Variants in CNTNAP2 observed in about 807,000 individuals in gnomAD.
The protein encoded by CNTNAP2 is contactin associated protein 2, also known as contactin-associated protein-like 2.
In CNTNAP2, 98 loss-of-function variants were observed where a neutral mutation model predicts 155.2. The ratio of observed to expected loss-of-function variants is 0.63; its 90% CI spans 0.54 to 0.75. The LOEUF is 0.75. CNTNAP2 is among the 30% of genes least tolerant of loss of function. CNTNAP2 has a pLI of 0.00. For missense variants in CNTNAP2, 1,727 were observed against 1,688.1 expected (o/e 1.02, Z -0.40); for synonymous variants, 651 against 631.2 (o/e 1.03, Z -0.47).
intron 13 of CNTNAP2, among the ~76,000 whole-genome samples, chr7:147,833,192 T>C (rs1211609757): frequency 6.6e-6 from 1 of 150,796 alleles, no homozygotes; most frequent in East Asian, 1.9e-4. Flanking sequence ...AATAGGGGTA[T>C]AAAAATATGC....
intron 22 of CNTNAP2, among the ~76,000 whole-genome samples, chr7:148,401,347 T>C (rs187632868): frequency 5.3e-5 from 8 of 152,210 alleles, no homozygotes; most frequent in Admixed American, 2.6e-4. Flanking sequence ...TGTAGAGAGG[T>C]TGTGGAACTA....
In CNTNAP2 at chr7:147,055,840, G is replaced by A. The variant is rs543834965; in HGVS notation, c.550+11786G>A. ...ATGCCTGATCCCCGAGGGAAGCAGC[G>A]TCTTTTTATTGGAGGACATATCCGC... On this transcript the variant is annotated intron_variant, in intron 4 of 23. Transcript: ENST00000361727. Among the ~76,000 whole-genome samples, 13 of 152,196 alleles carry A rather than the reference G, an allele frequency of 8.5e-5. No individual in the cohort carries two copies. In the East Asian group the frequency reaches 9.7e-4, roughly 11 times the overall value.
intron 16 of CNTNAP2, among the ~76,000 whole-genome samples, chr7:148,137,669 AAAGGAAGG>A (rs35867113): frequency 0.09 from 9,732 of 107,650 alleles, 484 homozygotes; most frequent in African/African-American, 0.12. Context: ...CTCAGAAAAA[AAAGGAAGG>A]AAGGAAGGAA....
At chr7:148,161,695 T>G (rs980975918) in intron 17 of CNTNAP2, among the ~76,000 whole-genome samples, 2 of 152,212 alleles carry the variant, frequency 1.3e-5, no homozygotes, top group Admixed American at 1.3e-4. Flanking sequence ...AAGCATCTTA[T>G]TGCTATATTG....
intron 1 of CNTNAP2, among the ~76,000 whole-genome samples, chr7:146,278,092 T>A (rs1800192710): frequency 6.6e-6 from 1 of 152,156 alleles, no homozygotes; most frequent in African/African-American, 2.4e-5. Flanking sequence ...TCCCACAGAC[T>A]TTTTTTGGTT....
intron 3 of CNTNAP2, among the ~76,000 whole-genome samples, chr7:146,940,543 A>C (rs1475972320): frequency 1.3e-5 from 2 of 151,964 alleles, no homozygotes; most frequent in Non-Finnish European, 2.9e-5. Context: ...GGTCTTAATA[A>C]ATTATGTGTT....
intron 22 of CNTNAP2, among the ~76,000 whole-genome samples, chr7:148,389,092 T>C (rs1187081461): frequency 6.6e-6 from 1 of 152,154 alleles, no homozygotes; most frequent in East Asian, 1.9e-4. Context: ...AAATCACCCA[T>C]CTTCTGCGTC....
At chr7:147,208,843 C>A (rs1803076062) in intron 8 of CNTNAP2, among the ~76,000 whole-genome samples, 1 of 151,766 alleles carries the variant, frequency 6.6e-6, no homozygotes. Flanking sequence ...ATGAACAATT[C>A]AAATTAGTCA....
At chr7:147,317,511 G>T (rs1159543780) in intron 9 of CNTNAP2, among the ~76,000 whole-genome samples, 1 of 152,098 alleles carries the variant, frequency 6.6e-6, no homozygotes, top group East Asian at 1.9e-4. Context: ...TGCTGCCTTT[G>T]TCACAGGGAT....
At chr7:147,960,428 G>A (rs985928096) in intron 14 of CNTNAP2, among the ~76,000 whole-genome samples, 2 of 152,148 alleles carry the variant, frequency 1.3e-5, no homozygotes, top group Non-Finnish European at 2.9e-5. Context: ...GACTCCAGCA[G>A]TGGTGTTATT....
chr7:147,304,180 C>A (rs1289216225), intron 9 of CNTNAP2, among the ~76,000 whole-genome samples: 2 of 152,112 alleles, frequency 1.3e-5, no homozygotes, highest in African/African-American at 4.8e-5. Context: ...CATCCATGAT[C>A]AGATGATGTT....
intron 1 of CNTNAP2, among the ~76,000 whole-genome samples, chr7:146,466,989 T>C (rs1012260710): frequency 6.6e-6 from 1 of 152,216 alleles, no homozygotes; most frequent in African/African-American, 2.4e-5. Flanking sequence ...TATTTCAATG[T>C]ACTTTTATCT....
intron 2 of CNTNAP2, among the ~76,000 whole-genome samples, chr7:146,778,063 A>G (rs1802421309): frequency 6.6e-6 from 1 of 152,218 alleles, no homozygotes; most frequent in African/African-American, 2.4e-5. Context: ...TACAGACACT[A>G]TATAAGTATC....
At chr7:147,795,500 C>T (rs1427534812) in intron 13 of CNTNAP2, among the ~76,000 whole-genome samples, 1 of 151,486 alleles carries the variant, frequency 6.6e-6, no homozygotes, top group Non-Finnish European at 1.5e-5. Flanking sequence ...TGTCAGCTTT[C>T]GTTGGTTTCA....
chr7:146,828,755 T>C (rs1803455429), intron 2 of CNTNAP2, among the ~76,000 whole-genome samples: 1 of 152,116 alleles, frequency 6.6e-6, no homozygotes, highest in Non-Finnish European at 1.5e-5. Context: ...ACAGGTCATG[T>C]AAGTGTTCAA....
At chr7:147,089,111 C>T in intron 4 of CNTNAP2, among the ~76,000 whole-genome samples, 1 of 152,180 alleles carries the variant, frequency 6.6e-6, no homozygotes, top group East Asian at 1.9e-4. Context: ...AGATGAATGG[C>T]TGACAAGGAA....
At chr7:146,508,085 C>T (rs927207750) in intron 1 of CNTNAP2, among the ~76,000 whole-genome samples, 4 of 152,194 alleles carry the variant, frequency 2.6e-5, no homozygotes, top group African/African-American at 7.2e-5. Flanking sequence ...TTCCAAGTTC[C>T]GTCAGGCTTT....
chr7:146,480,684 TTCC>T (rs1796946344), intron 1 of CNTNAP2, among the ~76,000 whole-genome samples: 2 of 142,126 alleles, frequency 1.4e-5, no homozygotes, highest in Non-Finnish European at 3.1e-5. Flanking sequence ...ATTTTTTTTT[TTCC>T]TTTTTTTTTT....
intron 1 of CNTNAP2, among the ~76,000 whole-genome samples, chr7:146,579,364 G>T (rs771175084): frequency 4.6e-5 from 7 of 152,088 alleles, no homozygotes; most frequent in Non-Finnish European, 1.0e-4. Flanking sequence ...AAATCTTAAA[G>T]ATGGATTGTA....
Sources: allele counts gnomAD v4.1 joint callset (sites outside exome capture counted in the v4.1 genomes callset), GRCh38; gene constraint gnomAD v4.1.1; transcripts MANE v1.5; gene names NCBI Gene and HGNC (gene_info 2026-07-23, HGNC 2026-07-21).